ITGBL1: variants seen among roughly 807,000 people sequenced by gnomAD.
The protein encoded by ITGBL1 is integrin subunit beta like 1, also known as integrin beta-like protein 1.
ITGBL1 carries 51 observed loss-of-function variants against 68.5 expected under a neutral mutation model. The ratio of observed to expected loss-of-function variants is 0.74; its 90% CI spans 0.59 to 0.94. The LOEUF (loss-of-function observed/expected upper bound fraction) is 0.94, where lower values mean the gene tolerates loss of function less well. ITGBL1 is among the 40% of genes least tolerant of loss of function. The pLI is 0.00. For missense variants in ITGBL1, 649 were observed against 647.4 expected (o/e 1.00, Z -0.03); for synonymous variants, 209 against 227.3 (o/e 0.92, Z 0.72).
At chr13:101,469,692 TA>T (rs1171444776) in intron 2 of ITGBL1, among the ~76,000 whole-genome samples, 3 of 151,932 alleles carry the variant, frequency 2.0e-5, no homozygotes, top group African/African-American at 4.8e-5. Flanking sequence ...TTTCCATCTA[TA>T]AAAAAACAAA....
At chr13:101,463,397 G>A (rs1458968683) in intron 2 of ITGBL1, among the ~76,000 whole-genome samples, 1 of 152,064 alleles carries the variant, frequency 6.6e-6, no homozygotes, top group Non-Finnish European at 1.5e-5. Context: ...TCACTGCACT[G>A]CCAGCCGTCT....
rs1287281539 is a variant in ITGBL1, at chr13:101,715,957, G to C, written c.*303G>C. 1 of 319,940 alleles carries C rather than the reference G, an allele frequency of 3.1e-6. No homozygotes were observed. Among genetic ancestry groups the C allele is most frequent in the Non-Finnish European group, 6.0e-6 (1 of 167,974 alleles). The allele number at this position is 319,940 out of a possible 1,614,324, so 19.8% of individuals were successfully genotyped here. On this transcript the variant is annotated 3_prime_UTR_variant, in exon 11 of 11. Coordinates refer to ENST00000376180, the MANE Select transcript of ITGBL1 (RefSeq NM_004791.3). ...CAGACAATTTTGATTGTCACACTGG[G>C]TCGGGTAGGAAGGTATGCTGCAGAC...
At chr13:101,514,220 A>G (rs2049160770) in intron 2 of ITGBL1, among the ~76,000 whole-genome samples, 2 of 152,070 alleles carry the variant, frequency 1.3e-5, no homozygotes, top group Admixed American at 1.3e-4. Flanking sequence ...TGCTAATTTA[A>G]TAGTTAGATA....
In ITGBL1 at chr13:101,453,838, C is replaced by T. The variant is rs1035268946; in HGVS notation, c.99-45C>T. 3.7e-5 allele frequency: 44 copies of T among 1,191,888 alleles called. No homozygotes were observed. In the Middle Eastern group the frequency reaches 1.3e-3, roughly 35 times the overall value. The allele number at this position is 1,191,888 out of a possible 1,614,324, so 73.8% of individuals were successfully genotyped here. ...AACGTGGGTTCGGAGCAGGGGGCGGCGTCCGCGTCTGACCCGGCCTGCCGG... is the reference window on the plus strand; with the variant it reads ...AACGTGGGTTCGGAGCAGGGGGCGGTGTCCGCGTCTGACCCGGCCTGCCGG... On this transcript the variant is annotated intron_variant, in intron 1 of 10. Transcript: ENST00000376180.
chr13:101,712,658 A>C (rs2139608470), intron 9 of ITGBL1: 1 of 152,320 alleles, frequency 6.6e-6, no homozygotes. Context: ...TAAAACACTA[A>C]GTATGGTGCC....
chr13:101,489,983 T>A (rs756522556), intron 2 of ITGBL1: 35 of 1,499,352 alleles, frequency 2.3e-5, no homozygotes, highest in Non-Finnish European at 3.1e-5. Context: ...GTTGCAGTGA[T>A]GGGAGCATTT....
chr13:101,563,643 G>A (rs2050135353), intron 2 of ITGBL1, among the ~76,000 whole-genome samples: 1 of 151,828 alleles, frequency 6.6e-6, no homozygotes, highest in Non-Finnish European at 1.5e-5. Context: ...CAAGCAAAGT[G>A]AATCATAGTT....
intron 7 of ITGBL1, among the ~76,000 whole-genome samples, chr13:101,689,706 T>C (rs2033841124): frequency 6.6e-6 from 1 of 152,196 alleles, no homozygotes; most frequent in South Asian, 2.1e-4. Context: ...ATATTTTAAT[T>C]GTTAACTTTT....
chr13:101,693,295 T>C (rs369051915), intron 8 of ITGBL1, among the ~76,000 whole-genome samples: 1 of 152,180 alleles, frequency 6.6e-6, no homozygotes, highest in African/African-American at 2.4e-5. Flanking sequence ...ATTCTTGCAT[T>C]GCATTCTTGA....
chr13:101,462,405 C>T (rs894230540), intron 2 of ITGBL1, among the ~76,000 whole-genome samples: 4 of 152,186 alleles, frequency 2.6e-5, no homozygotes, highest in African/African-American at 9.7e-5. Context: ...ATAGTCTTCT[C>T]AGCATAGTCA....
intron 4 of ITGBL1, 75 bp downstream of exon 4, chr13:101,575,621 A>C: frequency 6.9e-7 from 1 of 1,458,280 alleles, no homozygotes; most frequent in Non-Finnish European, 9.5e-7. Context: ...TTTTATCTCT[A>C]CATAAGTTTC....
Position 101,579,386 on chromosome 13 carries a change from G to A in ITGBL1, c.686G>A (p.Arg229Gln), listed in dbSNP as rs761666432. The A allele has an allele frequency of 5.2e-5, 84 of 1,613,746 alleles. No individual in the cohort carries two copies. Among genetic ancestry groups the A allele is most frequent in the African/African-American group, 6.7e-5 (5 of 74,912 alleles). ...QCDITPWESK[R>Q]RCTSPDGKIC... ...GATATCACCCCCTGGGAAAGCAAGC[G>A]AAGATGCACGTCTCCAGATGGCAAA... The change falls in exon 5 of 11, where the codon CGA (arginine) becomes CAA (glutamine). Residue 229 changes from arginine (R) to glutamine (Q), a missense_variant. Transcript: ENST00000376180.
chr13:101,682,616 A>T (rs966760391), intron 7 of ITGBL1, among the ~76,000 whole-genome samples: 2 of 152,002 alleles, frequency 1.3e-5, no homozygotes, highest in African/African-American at 4.8e-5. Flanking sequence ...TATTACTTCT[A>T]TTGTGAATAA....
chr13:101,604,349 A>G (rs1247254708), intron 7 of ITGBL1, among the ~76,000 whole-genome samples: 2 of 152,048 alleles, frequency 1.3e-5, no homozygotes, highest in East Asian at 3.9e-4. Flanking sequence ...TTTAAGCAAT[A>G]GAGTATGTTT....
Position 101,619,861 on chromosome 13 carries a change from A to AT in ITGBL1, c.1015+21566dup, listed in dbSNP as rs2031514669. Among the ~76,000 whole-genome samples, 5 of 152,070 alleles carry AT rather than the reference A, an allele frequency of 3.3e-5. No homozygotes were observed. The South Asian group carries it at 1.0e-3, about 32-fold the overall frequency. ...ATAAACATAGATTAGTTGAGATATG[A>AT]TTTTCTTCTTGGCTTTTTTCTTGCT... is the stretch of plus-strand genomic sequence containing the variant. On this transcript the variant is annotated intron_variant, in intron 7 of 10. Coordinates refer to ENST00000376180, the MANE Select transcript of ITGBL1 (RefSeq NM_004791.3).
At chr13:101,639,065 T>A (rs1485637701) in intron 7 of ITGBL1, among the ~76,000 whole-genome samples, 1 of 152,152 alleles carries the variant, frequency 6.6e-6, no homozygotes, top group African/African-American at 2.4e-5. Flanking sequence ...CATATGGTTT[T>A]CTCTCAGAAA....
At chr13:101,540,555 T>C (rs980771783) in intron 2 of ITGBL1, among the ~76,000 whole-genome samples, 9 of 152,234 alleles carry the variant, frequency 5.9e-5, no homozygotes, top group Non-Finnish European at 1.3e-4. Context: ...TGGTTCCATA[T>C]GAACTTTAAA....
intron 6 of ITGBL1, among the ~76,000 whole-genome samples, chr13:101,590,647 A>C (rs568649957): frequency 8.5e-5 from 13 of 152,284 alleles, no homozygotes; most frequent in Non-Finnish European, 1.5e-4. Context: ...AGTGTCAACA[A>C]GTCTCTCGCA....
chr13:101,504,920 G>A (rs9557680), intron 2 of ITGBL1, among the ~76,000 whole-genome samples: 1 of 152,172 alleles, frequency 6.6e-6, no homozygotes, highest in African/African-American at 2.4e-5. Flanking sequence ...GCATCACACA[G>A]CCTTTTTGTA....
Sources: gnomAD v4.1 joint callset for allele counts (sites outside exome capture counted in the v4.1 genomes callset) on GRCh38, gnomAD v4.1.1 for gene constraint, MANE v1.5 for transcripts, NCBI Gene and HGNC (gene_info 2026-07-23, HGNC 2026-07-21) for gene names.